Variants in PCDH15 observed in about 807,000 individuals in gnomAD.
PCDH15 encodes the protein protocadherin-15.
Under a neutral mutation model 178.5 loss-of-function variants are expected in PCDH15, and 129 were observed. That is an observed-to-expected ratio of 0.72 (90% CI 0.63 to 0.84). The LOEUF is 0.84. Ranked by LOEUF, PCDH15 falls within the 40% of genes least tolerant of loss-of-function variation. The pLI is 0.00. For synonymous variants in PCDH15, 800 were observed against 732.0 expected, an observed-to-expected ratio of 1.09 and a Z score of -1.50; for missense variants, 2,230 against 2,099.9, an observed-to-expected ratio of 1.06 and a Z score of -1.21.
At chr10:55,590,953 C>G (rs1842831834) in intron 2 of PCDH15, among the ~76,000 whole-genome samples, 1 of 152,026 alleles carries the variant, frequency 6.6e-6, no homozygotes, top group Non-Finnish European at 1.5e-5. Context: ...GTTCTTAATG[C>G]TCAGTTTGTA....
chr10:55,623,638 T>G (rs964185806), intron 2 of PCDH15, among the ~76,000 whole-genome samples: 2 of 151,730 alleles, frequency 1.3e-5, no homozygotes, highest in African/African-American at 4.8e-5. Context: ...AGAGATTATA[T>G]ATACATATTC....
intron 35 of PCDH15, among the ~76,000 whole-genome samples, chr10:53,814,942 G>A (rs951660009): frequency 1.8e-4 from 27 of 146,524 alleles, no homozygotes; most frequent in East Asian, 8.1e-4. Context: ...CCAGCCTGGC[G>A]ATGGAACAAG....
intron 2 of PCDH15, among the ~76,000 whole-genome samples, chr10:55,035,005 G>T (rs1840699650): frequency 6.6e-6 from 1 of 152,116 alleles, no homozygotes; most frequent in Non-Finnish European, 1.5e-5. Context: ...GGATACAGCT[G>T]CTTTCCTTTA....
At chr10:55,499,433 AC>A (rs1282981574) in intron 2 of PCDH15, among the ~76,000 whole-genome samples, 2 of 151,262 alleles carry the variant, frequency 1.3e-5, no homozygotes, top group African/African-American at 4.8e-5. Context: ...ACACACACAC[AC>A]ACACACACAC....
intron 2 of PCDH15, among the ~76,000 whole-genome samples, chr10:55,052,537 CAAAA>C (rs71014444): frequency 1.8e-4 from 7 of 39,360 alleles, no homozygotes; most frequent in Admixed American, 1.1e-3. Context: ...CCGTCTCATA[CAAAA>C]AAAAAAAAAA....
chr10:54,318,820 A>G (rs1408216376), intron 7 of PCDH15, among the ~76,000 whole-genome samples: 1 of 152,206 alleles, frequency 6.6e-6, no homozygotes, highest in Non-Finnish European at 1.5e-5. Context: ...AAAGTATATG[A>G]TTAATATGAC....
chr10:55,169,744 C>A (rs1412901377), intron 1 of PCDH15, among the ~76,000 whole-genome samples: 1 of 152,026 alleles, frequency 6.6e-6, no homozygotes, highest in Non-Finnish European at 1.5e-5. Flanking sequence ...TTACTAACTG[C>A]CAATTATCAG....
chr10:55,507,716 C>T (rs1020921232), intron 2 of PCDH15, among the ~76,000 whole-genome samples: 21 of 119,178 alleles, frequency 1.8e-4, no homozygotes, highest in Admixed American at 4.5e-4. Context: ...TTGAATGATT[C>T]GTATAATTTG....
At chr10:54,882,130 T>C in intron 3 of PCDH15, among the ~76,000 whole-genome samples, 1 of 152,066 alleles carries the variant, frequency 6.6e-6, no homozygotes. Flanking sequence ...CATGAAACAA[T>C]AGCTTAAAAA....
intron 18 of PCDH15, among the ~76,000 whole-genome samples, chr10:54,051,459 T>G (rs2093772680): frequency 6.6e-6 from 1 of 152,158 alleles, no homozygotes; most frequent in African/African-American, 2.4e-5. Context: ...GATGGGGAAC[T>G]CGTTGGGAAA....
chr10:55,074,181 A>T (rs1486289408), intron 2 of PCDH15, among the ~76,000 whole-genome samples: 1 of 152,166 alleles, frequency 6.6e-6, no homozygotes, highest in Non-Finnish European at 1.5e-5. Context: ...ATACACGTGC[A>T]CGTATCTTTG....
intron 35 of PCDH15, 103 bp from the exon 36 acceptor site, chr10:53,811,722 C>T: frequency 1.6e-6 from 1 of 617,528 alleles, no homozygotes; most frequent in Non-Finnish European, 2.6e-6. Flanking sequence ...TCAAAACATT[C>T]CTGCCAAAAT....
chr10:54,880,461 T>A (rs1954242242), intron 3 of PCDH15, among the ~76,000 whole-genome samples: 1 of 152,042 alleles, frequency 6.6e-6, no homozygotes, highest in Non-Finnish European at 1.5e-5. Context: ...ATGGAGAAAT[T>A]TAGAAGCATT....
intron 2 of PCDH15, among the ~76,000 whole-genome samples, chr10:55,564,867 A>T (rs1469034030): frequency 6.6e-6 from 1 of 151,718 alleles, no homozygotes; most frequent in Non-Finnish European, 1.5e-5. Context: ...TTTTGATATA[A>T]ATGAAGGAAA....
chr10:55,488,195 A>C (rs1365395914), intron 2 of PCDH15, among the ~76,000 whole-genome samples: 2 of 151,628 alleles, frequency 1.3e-5, no homozygotes, highest in Non-Finnish European at 1.5e-5. Context: ...ATTTTCTTTA[A>C]AGTCCACAAT....
chr10:54,685,813 G>A (rs1217348594), intron 1 of PCDH15, among the ~76,000 whole-genome samples: 1 of 152,092 alleles, frequency 6.6e-6, no homozygotes, highest in Non-Finnish European at 1.5e-5. Context: ...TTATAATAGT[G>A]TTGAATATAG....
Position 54,932,898 on chromosome 10 carries a change from C to G in PCDH15, c.-79-35398G>C, listed in dbSNP as rs749945462. On this transcript the variant is annotated intron_variant, in intron 2 of 5. Transcript: ENST00000458638. Reference sequence around the variant, plus strand: ...TCTAGGCCTTCACATTCACTCATCACTCACTCACTCACCCACTCACCCAGA... The same window carrying G: ...TCTAGGCCTTCACATTCACTCATCAGTCACTCACTCACCCACTCACCCAGA... Among the ~76,000 whole-genome samples the G allele has an allele frequency of 1.2e-3, 181 of 152,074 alleles. 3 individuals carry two copies. Among genetic ancestry groups the G allele is most frequent in the Non-Finnish European group, 3.2e-4 (22 of 68,006 alleles).
At chr10:54,098,688 C>T (rs532315909) in intron 15 of PCDH15, among the ~76,000 whole-genome samples, 2 of 152,220 alleles carry the variant, frequency 1.3e-5, no homozygotes, top group African/African-American at 4.8e-5. Context: ...AGTATTTGGC[C>T]TGAGACAAAC....
intron 1 of PCDH15, among the ~76,000 whole-genome samples, chr10:55,271,991 A>G (rs1842457116): frequency 6.6e-6 from 1 of 152,178 alleles, no homozygotes; most frequent in Non-Finnish European, 1.5e-5. Context: ...GAATTTATCT[A>G]GACTTATTAT....
Sources: gnomAD v4.1 joint callset for allele counts (sites outside exome capture counted in the v4.1 genomes callset) on GRCh38, gnomAD v4.1.1 for gene constraint, MANE v1.5 for transcripts, NCBI Gene and HGNC (gene_info 2026-07-23, HGNC 2026-07-21) for gene names.